NAV2: variants seen among roughly 807,000 people sequenced by gnomAD.
NAV2 encodes the protein neuron navigator 2, also known as helicase, APC down-regulated 1.
Under a neutral mutation model 223.2 loss-of-function variants are expected in NAV2, and 54 were observed. That is an observed-to-expected ratio of 0.24 (90% confidence interval 0.19 to 0.30). The LOEUF is 0.30. Ranked by LOEUF, NAV2 falls within the 10% of genes least tolerant of loss-of-function variation. NAV2 has a pLI of 1.00. For synonymous variants in NAV2, 1,279 were observed against 1,239.3 expected (o/e 1.03, Z -0.67); for missense variants, 2,806 against 3,147.5 (o/e 0.89, Z 2.60).
intron 1 of NAV2, among the ~76,000 whole-genome samples, chr11:19,536,315 G>A (rs907212696): frequency 2.0e-5 from 3 of 152,122 alleles, no homozygotes; most frequent in African/African-American, 7.2e-5. Flanking sequence ...TCTCTCTGTC[G>A]ACTGCACTAT....
At chr11:19,637,294 CCTGGTCAGGCCT>C (rs1403831098) in intron 1 of NAV2, among the ~76,000 whole-genome samples, 2 of 152,200 alleles carry the variant, frequency 1.3e-5, no homozygotes, top group African/African-American at 4.8e-5. Flanking sequence ...CAAACTTCTG[CCTGGTCAGGCCT>C]CTGTTCTCTG....
At chr11:19,476,230 C>T (rs890129800) in intron 1 of NAV2, among the ~76,000 whole-genome samples, 2 of 152,176 alleles carry the variant, frequency 1.3e-5, no homozygotes, top group Admixed American at 1.3e-4. Context: ...GCCTCGGCCT[C>T]CCAAAGTGCT....
intron 10 of NAV2, among the ~76,000 whole-genome samples, chr11:19,980,130 TC>T (rs2050166312): frequency 6.6e-6 from 1 of 152,170 alleles, no homozygotes; most frequent in Admixed American, 6.5e-5. Flanking sequence ...ACCCTGATGC[TC>T]ATGGGCCACC....
chr11:19,638,667 G>T (rs1387669253), intron 1 of NAV2, among the ~76,000 whole-genome samples: 1 of 152,172 alleles, frequency 6.6e-6, no homozygotes, highest in Non-Finnish European at 1.5e-5. Context: ...GTCCTGCAAA[G>T]TTAGAAATGA....
chr11:19,650,230 T>C (rs140345650), intron 1 of NAV2, among the ~76,000 whole-genome samples: 373 of 152,170 alleles, frequency 2.5e-3, no homozygotes, highest in Middle Eastern at 0.02. Context: ...AGAGAAAAAT[T>C]TGGAGACAGA....
In NAV2 at chr11:19,450,344, T is replaced by G. The variant is rs568267923; in HGVS notation, c.75+99317T>G. Reference sequence around the variant, plus strand: ...TTCCCTTCCCCTCTCATTTTTCTCTTTGTCAGTGTCTAAAGACCAGCTCCT... The same window carrying G: ...TTCCCTTCCCCTCTCATTTTTCTCTGTGTCAGTGTCTAAAGACCAGCTCCT... On this transcript the variant is annotated intron_variant, in intron 1 of 37. Coordinates refer to the NAV2 transcript ENST00000360655. Among the ~76,000 whole-genome samples, 8 of 152,274 alleles carry G rather than the reference T, an allele frequency of 5.3e-5. No homozygotes were observed. In the South Asian group the frequency reaches 1.7e-3, roughly 32 times the overall value.
At chr11:19,751,900 T>C (rs188016260) in intron 1 of NAV2, among the ~76,000 whole-genome samples, 108 of 152,220 alleles carry the variant, frequency 7.1e-4, no homozygotes, top group African/African-American at 2.6e-3. Flanking sequence ...TTGACCCAGG[T>C]GGTCAACTAC....
intron 1 of NAV2, among the ~76,000 whole-genome samples, chr11:19,755,834 C>T (rs1049165922): frequency 2.0e-5 from 3 of 152,178 alleles, no homozygotes; most frequent in East Asian, 1.9e-4. Context: ...CCAGCAAATA[C>T]GATATGGAGT....
chr11:19,736,039 C>G (rs1053824905), intron 1 of NAV2, among the ~76,000 whole-genome samples: 5 of 152,122 alleles, frequency 3.3e-5, no homozygotes, highest in Admixed American at 6.5e-5. Flanking sequence ...TTTCAAAAAG[C>G]CTTTGTTCCC....
At chr11:19,665,439 C>G (rs1349431023) in intron 1 of NAV2, among the ~76,000 whole-genome samples, 1 of 152,140 alleles carries the variant, frequency 6.6e-6, no homozygotes, top group Non-Finnish European at 1.5e-5. Flanking sequence ...AGCTCATGAG[C>G]CTCTCCTCCT....
intron 1 of NAV2, among the ~76,000 whole-genome samples, chr11:19,809,188 GGAA>G (rs1666836742): frequency 1.3e-5 from 2 of 152,116 alleles, no homozygotes; most frequent in African/African-American, 4.8e-5. Context: ...CATGCATGCA[GGAA>G]GAATTTCTTG....
chr11:19,952,985 T>C (rs960133894), intron 10 of NAV2, among the ~76,000 whole-genome samples: 5 of 152,188 alleles, frequency 3.3e-5, no homozygotes, highest in Admixed American at 2.6e-4. Context: ...TTGGCTGTAG[T>C]GGGGAGGAAA....
intron 1 of NAV2, among the ~76,000 whole-genome samples, chr11:19,559,035 C>A (rs116060888): frequency 0.012 from 1,753 of 152,322 alleles, 33 homozygotes; most frequent in African/African-American, 0.039. Flanking sequence ...AAGCAAGTTA[C>A]AAAGCCAGCC....
In NAV2 at chr11:20,075,974, C is replaced by T. The variant is rs78086202; in HGVS notation, c.4984-1578C>T. Among the ~76,000 whole-genome samples the T allele has an allele frequency of 1.1e-3, 163 of 152,278 alleles. 3 individuals carry two copies. The East Asian group carries it at 0.029, about 27-fold the overall frequency. On this transcript the variant is annotated intron_variant, in intron 22 of 37. Coordinates refer to ENST00000349880, the MANE Select transcript of NAV2 (RefSeq NM_145117.5). ...CCTGTGTTCTCAGGTAGTCTCACTC[C>T]TCTCATAGTTTCTCTTGTCACTTTC... is the stretch of plus-strand genomic sequence containing the variant.
At chr11:19,555,592 TTTTGGAAGTAAACA>T (rs983022403) in intron 1 of NAV2, among the ~76,000 whole-genome samples, 5 of 152,168 alleles carry the variant, frequency 3.3e-5, no homozygotes, top group Non-Finnish European at 7.3e-5. Flanking sequence ...TTATTAGCTG[TTTTGGAAGTAAACA>T]TTGCTCACAT....
intron 10 of NAV2, among the ~76,000 whole-genome samples, chr11:19,957,660 G>A (rs1390446638): frequency 6.6e-6 from 1 of 152,198 alleles, no homozygotes; most frequent in African/African-American, 2.4e-5. Flanking sequence ...AGTCTCATCA[G>A]AGGAGAAAGA....
chr11:19,476,123 C>T (rs1213552351), intron 1 of NAV2, among the ~76,000 whole-genome samples: 5 of 152,102 alleles, frequency 3.3e-5, no homozygotes, highest in South Asian at 2.1e-4. Flanking sequence ...TACAGGCACG[C>T]GCCACCATGT....
intron 4 of NAV2, among the ~76,000 whole-genome samples, chr11:19,870,790 T>G (rs2062433337): frequency 6.6e-6 from 1 of 152,144 alleles, no homozygotes; most frequent in South Asian, 2.1e-4. Context: ...CCCTGAAGCA[T>G]GTAGCTAGAG....
chr11:19,432,875 G>A (rs1265826150), intron 1 of NAV2, among the ~76,000 whole-genome samples: 1 of 152,166 alleles, frequency 6.6e-6, no homozygotes. Flanking sequence ...TGTCCTCTGA[G>A]GCAATTCTTA....
Sources: gnomAD v4.1 joint callset for allele counts (sites outside exome capture counted in the v4.1 genomes callset) on GRCh38, gnomAD v4.1.1 for gene constraint, MANE v1.5 for transcripts, NCBI Gene and HGNC (gene_info 2026-07-23, HGNC 2026-07-21) for gene names.